The following CTNNA2 variants were observed in gnomAD, a reference collection of about 807,000 sequenced individuals.
The protein encoded by CTNNA2 is catenin alpha-2.
CTNNA2 carries 42 observed loss-of-function variants against 101.0 expected under a neutral mutation model. The ratio of observed to expected loss-of-function variants is 0.42; its 90% CI spans 0.32 to 0.54. The LOEUF (loss-of-function observed/expected upper bound fraction) is 0.54, where lower values mean the gene tolerates loss of function less well. Ranked by LOEUF, CTNNA2 falls within the 20% of genes least tolerant of loss-of-function variation. The probability of loss-of-function intolerance (pLI) is 0.14; values close to 1 mark genes in which losing one functional copy is unlikely to be tolerated. For missense variants in CTNNA2, 871 were observed against 1,223.1 expected (o/e 0.71, Z 4.29); for synonymous variants, 450 against 456.4 (o/e 0.99, Z 0.18).
intron 3 of CTNNA2, among the ~76,000 whole-genome samples, chr2:79,788,564 C>T (rs1004667208): frequency 1.3e-5 from 2 of 152,144 alleles, no homozygotes; most frequent in Non-Finnish European, 2.9e-5. Context: ...GTATTTTGGA[C>T]TTAACTGGAA....
chr2:79,189,432 A>G (rs1369853152), intron 1 of CTNNA2, among the ~76,000 whole-genome samples: 1 of 152,058 alleles, frequency 6.6e-6, no homozygotes, highest in Non-Finnish European at 1.5e-5. Flanking sequence ...TCTACTCTCC[A>G]AGAGTTGTTA....
intron 7 of CTNNA2, among the ~76,000 whole-genome samples, chr2:79,962,740 A>G (rs1448748551): frequency 6.6e-6 from 1 of 152,180 alleles, no homozygotes; most frequent in Non-Finnish European, 1.5e-5. Context: ...CATTGGAGCC[A>G]GGTGCAGAAA....
At chr2:79,339,013 G>A (rs1677069768) in intron 3 of CTNNA2, among the ~76,000 whole-genome samples, 1 of 152,052 alleles carries the variant, frequency 6.6e-6, no homozygotes, top group South Asian at 2.1e-4. Flanking sequence ...AGATATTGAA[G>A]CAGCTGGATA....
intron 9 of CTNNA2, among the ~76,000 whole-genome samples, chr2:80,434,749 C>T (rs1450365417): frequency 6.6e-5 from 10 of 152,004 alleles, no homozygotes; most frequent in Non-Finnish European, 1.3e-4. Context: ...TACTAACACT[C>T]ATTTAAAAAA....
intron 7 of CTNNA2, among the ~76,000 whole-genome samples, chr2:80,142,096 C>T (rs1476672235): frequency 6.6e-6 from 1 of 152,074 alleles, no homozygotes; most frequent in African/African-American, 2.4e-5. Context: ...AAAGCTTCGC[C>T]TCCTAAACCA....
At chr2:80,278,824 A>G (rs1674127265) in intron 7 of CTNNA2, among the ~76,000 whole-genome samples, 1 of 151,790 alleles carries the variant, frequency 6.6e-6, no homozygotes, top group Non-Finnish European at 1.5e-5. Flanking sequence ...AAAAATATAT[A>G]TATATCAGTT....
intron 7 of CTNNA2, among the ~76,000 whole-genome samples, chr2:79,934,483 A>G (rs900238582): frequency 6.6e-6 from 1 of 152,236 alleles, no homozygotes; most frequent in African/African-American, 2.4e-5. Context: ...AGTCAATATG[A>G]TTGGGGTCAG....
chr2:80,177,799 C>T (rs1385489556), intron 7 of CTNNA2, among the ~76,000 whole-genome samples: 3 of 152,166 alleles, frequency 2.0e-5, no homozygotes, highest in Non-Finnish European at 4.4e-5. Context: ...TCCAATAATG[C>T]TTTTTCCAAA....
chr2:80,087,595 A>G (rs921107039), intron 7 of CTNNA2, among the ~76,000 whole-genome samples: 8 of 152,124 alleles, frequency 5.3e-5, no homozygotes, highest in African/African-American at 1.9e-4. Flanking sequence ...TGCTCTCTGG[A>G]GTGAGCAGGT....
intron 7 of CTNNA2, among the ~76,000 whole-genome samples, chr2:79,940,751 A>G (rs1275677242): frequency 6.6e-6 from 1 of 152,248 alleles, no homozygotes; most frequent in Non-Finnish European, 1.5e-5. Context: ...TGTTCGGCAC[A>G]CTTACAGTAG....
At chr2:80,508,419 A>C (rs1043320825) in intron 9 of CTNNA2, among the ~76,000 whole-genome samples, 1 of 152,176 alleles carries the variant, frequency 6.6e-6, no homozygotes, top group Non-Finnish European at 1.5e-5. Context: ...CAGGAGGTAG[A>C]GGTTTCAGTT....
At chr2:80,070,785 C>A (rs1698289320) in intron 7 of CTNNA2, among the ~76,000 whole-genome samples, 1 of 152,006 alleles carries the variant, frequency 6.6e-6, no homozygotes, top group Non-Finnish European at 1.5e-5. Flanking sequence ...ACTCATACTC[C>A]CCCTGAAGGC....
At chr2:79,234,314 T>G (rs778408768) in intron 2 of CTNNA2, among the ~76,000 whole-genome samples, 1 of 152,128 alleles carries the variant, frequency 6.6e-6, no homozygotes, top group African/African-American at 2.4e-5. Context: ...TGGTGAGGTA[T>G]GATAGTCTTG....
chr2:79,561,624 A>G (rs1285182988), intron 1 of CTNNA2, among the ~76,000 whole-genome samples: 1 of 151,730 alleles, frequency 6.6e-6, no homozygotes, highest in Non-Finnish European at 1.5e-5. Flanking sequence ...GATTATAGCC[A>G]TGGTAGTGAG....
intron 1 of CTNNA2, among the ~76,000 whole-genome samples, chr2:79,609,333 A>C (rs1678115185): frequency 6.6e-6 from 1 of 152,060 alleles, no homozygotes; most frequent in Admixed American, 6.6e-5. Context: ...TTTTTAGCAT[A>C]AGTATATTCA....
At chr2:80,202,982 G>T (rs1707300655) in intron 7 of CTNNA2, among the ~76,000 whole-genome samples, 1 of 152,188 alleles carries the variant, frequency 6.6e-6, no homozygotes, top group African/African-American at 2.4e-5. Context: ...ATCTTACATG[G>T]ATGGCAGCAG....
intron 4 of CTNNA2, among the ~76,000 whole-genome samples, chr2:79,422,083 G>C (rs1428433614): frequency 1.3e-5 from 2 of 152,094 alleles, no homozygotes; most frequent in East Asian, 3.9e-4. Flanking sequence ...AACCTGGGAG[G>C]GGGAGGTTGC....
intron 2 of CTNNA2, among the ~76,000 whole-genome samples, chr2:79,223,166 A>G (rs898503472): frequency 3.3e-5 from 5 of 152,056 alleles, no homozygotes; most frequent in African/African-American, 1.2e-4. Flanking sequence ...TCTCTAAAAT[A>G]AATGAATAAA....
intron 2 of CTNNA2, among the ~76,000 whole-genome samples, chr2:79,280,241 G>A (rs762245134): frequency 6.6e-6 from 1 of 152,096 alleles, no homozygotes; most frequent in Middle Eastern, 3.4e-3. Flanking sequence ...GCAGATCTAT[G>A]CCTCCACCCT....
Sources: allele counts gnomAD v4.1 joint callset (sites outside exome capture counted in the v4.1 genomes callset), GRCh38; gene constraint gnomAD v4.1.1; transcripts MANE v1.5; gene names NCBI Gene and HGNC (gene_info 2026-07-23, HGNC 2026-07-21).